Variants in WARS2 observed in about 807,000 individuals in gnomAD.
WARS2 encodes tryptophanyl tRNA synthetase 2, mitochondrial, also known as tryptophan--tRNA ligase, mitochondrial.
WARS2 carries 28 observed loss-of-function variants against 36.5 expected under a neutral mutation model. The ratio of observed to expected loss-of-function variants is 0.77; its 90% confidence interval spans 0.57 to 1.05. WARS2 has a LOEUF of 1.05. Among genes scored for constraint, WARS2 ranks in the 50% least tolerant of loss-of-function variants. The probability of loss-of-function intolerance (pLI) is 0.00; values close to 1 mark genes in which losing one functional copy is unlikely to be tolerated. For missense variants in WARS2, 435 were observed against 456.8 expected (o/e 0.95, Z 0.44); for synonymous variants, 174 against 178.4 (o/e 0.98, Z 0.20).
At chr1:119,043,854 T>C (rs1276617813) in intron 3 of WARS2, among the ~76,000 whole-genome samples, 2 of 152,178 alleles carry the variant, frequency 1.3e-5, no homozygotes, top group Non-Finnish European at 2.9e-5. Flanking sequence ...ACATATATGT[T>C]ACTCATTAAT....
intron 1 of WARS2, among the ~76,000 whole-genome samples, chr1:119,110,086 T>C (rs1654523442): frequency 6.6e-6 from 1 of 151,982 alleles, no homozygotes; most frequent in Non-Finnish European, 1.5e-5. Context: ...TATATAAGCA[T>C]AAATAAGCAT....
intron 2 of WARS2, among the ~76,000 whole-genome samples, chr1:119,057,681 TC>T (rs1376695784): frequency 6.6e-6 from 1 of 151,562 alleles, no homozygotes; most frequent in East Asian, 2.0e-4. Context: ...TCCTAGCTAC[TC>T]TAGAGGCTGA....
In WARS2 at chr1:119,097,775, T is replaced by G. The variant is rs587651944; in HGVS notation, c.91-21168A>C. On this transcript the variant is annotated intron_variant, in intron 1 of 5. Transcript: ENST00000235521. The stretch of plus-strand genomic sequence containing the variant: ...ACAGAGCGGAGATTCAATATATGCA[T>G]GTCAATGAAGTAGAAATGAATACTA... Among the ~76,000 whole-genome samples, 30 of 152,260 alleles carry G rather than the reference T, an allele frequency of 2.0e-4. 1 individual carries two copies. The South Asian group carries it at 5.8e-3, about 29-fold the overall frequency.
At chr1:119,054,859 TAG>T (rs1328730706) in intron 2 of WARS2, among the ~76,000 whole-genome samples, 1 of 152,128 alleles carries the variant, frequency 6.6e-6, no homozygotes, top group African/African-American at 2.4e-5. Context: ...GTCAAACTCA[TAG>T]AGACAAAAGG....
chr1:119,056,190 T>A (rs1649789851), intron 2 of WARS2, among the ~76,000 whole-genome samples: 1 of 147,380 alleles, frequency 6.8e-6, no homozygotes, highest in South Asian at 2.1e-4. Flanking sequence ...TGGCTAATTT[T>A]TTTTTTTTTT....
intron 1 of WARS2, among the ~76,000 whole-genome samples, chr1:119,104,153 A>T (rs969338992): frequency 1.3e-5 from 2 of 151,090 alleles, no homozygotes; most frequent in Non-Finnish European, 3.0e-5. Context: ...ATATATTTCC[A>T]TATATTACTC....
chr1:119,112,405 G>A (rs1275730913), intron 1 of WARS2, among the ~76,000 whole-genome samples: 1 of 152,108 alleles, frequency 6.6e-6, no homozygotes, highest in African/African-American at 2.4e-5. Flanking sequence ...CAGTTTTTAT[G>A]GTGATGGAAA....
intron 1 of WARS2, among the ~76,000 whole-genome samples, chr1:119,115,910 C>G (rs587717892): frequency 5.3e-4 from 80 of 152,278 alleles, no homozygotes; most frequent in African/African-American, 1.9e-3. Context: ...AAAACATTAA[C>G]CAAGTGTGTG....
At chr1:119,056,357 A>G (rs1649809357) in intron 2 of WARS2, among the ~76,000 whole-genome samples, 1 of 150,986 alleles carries the variant, frequency 6.6e-6, no homozygotes, top group East Asian at 1.9e-4. Flanking sequence ...TTTTAGCTGC[A>G]GTAAACTACC....
In WARS2 at chr1:119,045,618, G is replaced by T; in HGVS notation, c.393C>A (p.Val131=). ...GTAAATGTTGTAATCGAGGTAGTCT[G>T]ACCATGCAGGAAAGGATCCAACTTA... The part of the protein sequence containing the change: ...TQLSWILSCM[V]RLPRLQHLHQ... Residue 131 remains valine, a synonymous_variant, in exon 3 of 6, where the codon GTC becomes GTA. Transcript: ENST00000235521. The T allele has an allele frequency of 6.3e-7, 1 of 1,595,030 alleles. No homozygotes were observed. The highest frequency in any genetic ancestry group is 1.1e-5 in the South Asian group (1 of 88,830).
intron 1 of WARS2, among the ~76,000 whole-genome samples, chr1:119,095,791 C>T (rs896410359): frequency 1.3e-5 from 2 of 152,134 alleles, no homozygotes; most frequent in Admixed American, 6.5e-5. Context: ...CTTTGAGCCT[C>T]TTATACAAGT....
chr1:119,082,235 A>C (rs587705351), intron 1 of WARS2: 2 of 982,176 alleles, frequency 2.0e-6, no homozygotes, highest in African/African-American at 3.5e-5. Context: ...AAGAGTTTAA[A>C]AGGAATCAAC....
intron 1 of WARS2, among the ~76,000 whole-genome samples, chr1:119,105,169 G>A (rs1654147838): frequency 6.6e-6 from 1 of 152,160 alleles, no homozygotes; most frequent in African/African-American, 2.4e-5. Flanking sequence ...AAGACTTGCT[G>A]GTGAAATGGG....
chr1:119,103,743 T>C (rs1654038871), intron 1 of WARS2, among the ~76,000 whole-genome samples: 1 of 151,792 alleles, frequency 6.6e-6, no homozygotes, highest in South Asian at 2.1e-4. Context: ...AATAAAGCCA[T>C]CAAAATTAAG....
intron 2 of WARS2, among the ~76,000 whole-genome samples, chr1:119,058,311 T>TC (rs1218200107): frequency 2.9e-4 from 38 of 132,452 alleles, no homozygotes; most frequent in African/African-American, 1.2e-3. Flanking sequence ...CTATTTCTTT[T>TC]TTTTTTTTTT....
chr1:119,113,598 G>T (rs1654787015), intron 1 of WARS2, among the ~76,000 whole-genome samples: 1 of 152,096 alleles, frequency 6.6e-6, no homozygotes, highest in Non-Finnish European at 1.5e-5. Flanking sequence ...GAGGGACTAA[G>T]CTGAGATCAA....
rs2645294 is a variant in WARS2 at position 119,031,964 on chromosome 1, C to T, written c.*947G>A. The T allele has an allele frequency of 0.59, 90,195 of 152,672 alleles. 27,082 individuals carry two copies. Among genetic ancestry groups the T allele is most frequent in the Admixed American group, 0.65 (9,991 of 15,298 alleles). The allele number at this position is 152,672 out of a possible 1,614,324, so 9.5% of individuals were successfully genotyped here. On this transcript the variant is annotated 3_prime_UTR_variant, in exon 6 of 6. Coordinates refer to ENST00000235521, the MANE Select transcript of WARS2 (RefSeq NM_015836.4). ...TAAAAAACATCATCAGTCGTTCCAA[C>T]ACCCACCTTCAAAATCAGAATGTTT...
intron 1 of WARS2, among the ~76,000 whole-genome samples, chr1:119,107,242 C>T (rs1287688147): frequency 1.3e-5 from 2 of 152,056 alleles, no homozygotes; most frequent in African/African-American, 4.8e-5. Context: ...ATATCTTCTC[C>T]TAGTCTGTGG....
intron 3 of WARS2, among the ~76,000 whole-genome samples, chr1:119,044,657 C>T (rs759163622): frequency 9.9e-5 from 15 of 152,146 alleles, no homozygotes; most frequent in South Asian, 2.1e-4. Context: ...GGTGAGGAAC[C>T]TTGTTCATGG....
Sources: allele counts gnomAD v4.1 joint callset (sites outside exome capture counted in the v4.1 genomes callset), GRCh38; gene constraint gnomAD v4.1.1; transcripts MANE v1.5; gene names NCBI Gene and HGNC (gene_info 2026-07-23, HGNC 2026-07-21).